Variants in SNTG1 observed in about 807,000 individuals in gnomAD.
SNTG1 encodes gamma-1-syntrophin.
SNTG1 carries 39 observed loss-of-function variants against 74.7 expected under a neutral mutation model. That is an observed-to-expected ratio of 0.52 (90% CI 0.40 to 0.68). The LOEUF (loss-of-function observed/expected upper bound fraction) is 0.68. SNTG1 is among the 30% of genes least tolerant of loss of function. The pLI is 0.00. For synonymous variants in SNTG1, 254 were observed against 217.1 expected, an observed-to-expected ratio of 1.17 and a Z score of -1.49; for missense variants, 685 against 609.5, an observed-to-expected ratio of 1.12 and a Z score of -1.30.
At chr8:50,390,693 T>G (rs1352178452) in intron 2 of SNTG1, among the ~76,000 whole-genome samples, 2 of 152,238 alleles carry the variant, frequency 1.3e-5, no homozygotes, top group African/African-American at 4.8e-5. Flanking sequence ...TGATTCTTCC[T>G]ACCCATGAAC....
At chr8:50,288,543 A>G (rs2088912540) in intron 2 of SNTG1, among the ~76,000 whole-genome samples, 1 of 152,062 alleles carries the variant, frequency 6.6e-6, no homozygotes, top group Non-Finnish European at 1.5e-5. Context: ...CAAACCCAGC[A>G]CTCTACTCTT....
intron 1 of SNTG1, among the ~76,000 whole-genome samples, chr8:50,062,086 C>T (rs556670952): frequency 2.0e-5 from 3 of 152,244 alleles, no homozygotes; most frequent in South Asian, 2.1e-4. Context: ...TTCTGTTACC[C>T]AGACTGGAGT....
intron 9 of SNTG1, among the ~76,000 whole-genome samples, chr8:50,504,392 T>C (rs1031223595): frequency 1.3e-5 from 2 of 152,212 alleles, no homozygotes; most frequent in Non-Finnish European, 2.9e-5. Flanking sequence ...TGGAAGCTTC[T>C]TGTATAAGGC....
intron 1 of SNTG1, among the ~76,000 whole-genome samples, chr8:49,985,117 T>C (rs1178383865): frequency 1.3e-5 from 2 of 152,194 alleles, no homozygotes; most frequent in African/African-American, 4.8e-5. Context: ...ATGGTTGAAA[T>C]ATACTGAACA....
At chr8:49,998,585 A>AAGAC (rs967669546) in intron 1 of SNTG1, among the ~76,000 whole-genome samples, 1 of 113,470 alleles carries the variant, frequency 8.8e-6, no homozygotes, top group Non-Finnish European at 1.7e-5. Flanking sequence ...GTTAAAAATT[A>AAGAC]AGACACACAC....
At chr8:50,067,015 C>T (rs370228573) in intron 1 of SNTG1, among the ~76,000 whole-genome samples, 1 of 152,126 alleles carries the variant, frequency 6.6e-6, no homozygotes, top group Non-Finnish European at 1.5e-5. Context: ...CTTATTCTTT[C>T]GTCAGTTCTT....
At chr8:50,536,550 T>A in intron 10 of SNTG1, 128 bp from the exon 11 acceptor site, 1 of 1,111,538 alleles carries the variant, frequency 9.0e-7, no homozygotes, top group African/African-American at 1.6e-5. Context: ...CTTCTTCTCA[T>A]GGTATTCCAT....
At chr8:50,244,965 T>A (rs1424863389) in intron 2 of SNTG1, among the ~76,000 whole-genome samples, 1 of 152,208 alleles carries the variant, frequency 6.6e-6, no homozygotes, top group African/African-American at 2.4e-5. Flanking sequence ...AAAGTATGAT[T>A]CATGTTAATA....
chr8:50,509,876 A>C (rs577146685), intron 9 of SNTG1, among the ~76,000 whole-genome samples: 5 of 152,224 alleles, frequency 3.3e-5, no homozygotes, highest in African/African-American at 9.6e-5. Flanking sequence ...GGACAATTTG[A>C]CTTCCTCTTT....
chr8:50,035,418 G>A (rs1285776915), intron 1 of SNTG1, among the ~76,000 whole-genome samples: 1 of 152,090 alleles, frequency 6.6e-6, no homozygotes, highest in Non-Finnish European at 1.5e-5. Context: ...AACACTCCCT[G>A]TGTTTCAGGA....
intron 2 of SNTG1, among the ~76,000 whole-genome samples, chr8:50,370,700 G>A (rs1387028685): frequency 1.3e-5 from 2 of 151,948 alleles, no homozygotes; most frequent in Admixed American, 6.6e-5. Context: ...CCCCACCTCC[G>A]CTCCTTTCTT....
chr8:50,167,338 A>T (rs112698793), intron 1 of SNTG1, among the ~76,000 whole-genome samples: 2,149 of 146,768 alleles, frequency 0.015, 27 homozygotes, highest in Middle Eastern at 0.028. Flanking sequence ...TAAAATAAAA[A>T]AAAAAATCTT....
intron 1 of SNTG1, among the ~76,000 whole-genome samples, chr8:49,935,522 C>CAAAAAA (rs1563366811): frequency 8.4e-6 from 1 of 119,482 alleles, no homozygotes; most frequent in African/African-American, 3.5e-5. Context: ...GAGATGTAAA[C>CAAAAAA]CAAAAAAAAA....
intron 2 of SNTG1, among the ~76,000 whole-genome samples, chr8:50,290,156 A>G (rs1187853580): frequency 6.6e-6 from 1 of 152,114 alleles, no homozygotes; most frequent in African/African-American, 2.4e-5. Context: ...TTTCAGAAAC[A>G]TTCCTTCAGC....
chr8:50,039,177 T>C (rs930704146), intron 1 of SNTG1, among the ~76,000 whole-genome samples: 1 of 151,976 alleles, frequency 6.6e-6, no homozygotes, highest in Non-Finnish European at 1.5e-5. Context: ...CAAATTAGGC[T>C]GGGCGTGGTG....
chr8:50,655,931 T>C (rs2095177379), intron 13 of SNTG1, among the ~76,000 whole-genome samples: 1 of 152,156 alleles, frequency 6.6e-6, no homozygotes, highest in South Asian at 2.1e-4. Context: ...TCTGCTGGCA[T>C]GTGTTCCTAT....
intron 2 of SNTG1, among the ~76,000 whole-genome samples, chr8:50,215,987 G>T (rs1489208853): frequency 6.6e-6 from 1 of 152,074 alleles, no homozygotes; most frequent in African/African-American, 2.4e-5. Flanking sequence ...TAAAATCAAG[G>T]AATTTTTTTA....
rs528637339 is a variant in SNTG1 at position 50,273,704 on chromosome 8, T to C, written c.-28+101069T>C. Among the ~76,000 whole-genome samples, 31 of 152,284 alleles carry C rather than the reference T, an allele frequency of 2.0e-4. 1 individual carries two copies. In the South Asian group the frequency reaches 6.2e-3, roughly 31 times the overall value. ...AATTTAAAGAAAGAGATAAGAGGGT[T>C]AACAATGGTGGTGACGAATATCTTA... On this transcript the variant is annotated intron_variant, in intron 2 of 18. Coordinates refer to ENST00000642720, the MANE Select transcript of SNTG1 (RefSeq NM_018967.5).
chr8:50,696,429 T>A (rs1025673510), intron 15 of SNTG1, among the ~76,000 whole-genome samples: 1 of 152,106 alleles, frequency 6.6e-6, no homozygotes, highest in African/African-American at 2.4e-5. Flanking sequence ...GTATATTTAC[T>A]TTGTCAGTTA....
Sources: allele counts gnomAD v4.1 joint callset (sites outside exome capture counted in the v4.1 genomes callset), GRCh38; gene constraint gnomAD v4.1.1; transcripts MANE v1.5; gene names NCBI Gene and HGNC (gene_info 2026-07-23, HGNC 2026-07-21).